TLE3: variants seen among roughly 807,000 people sequenced by gnomAD.
TLE3 encodes the protein TLE family member 3, transcriptional corepressor, also known as transducin-like enhancer protein 3.
A neutral mutation model predicts 93.0 loss-of-function variants in TLE3; 14 were observed. The ratio of observed to expected loss-of-function variants is 0.15; its 90% confidence interval spans 0.10 to 0.24. The LOEUF is 0.24. Ranked by LOEUF, TLE3 falls within the 10% of genes least tolerant of loss-of-function variation. The pLI is 1.00. For synonymous variants in TLE3, 451 were observed against 425.0 expected (o/e 1.06, Z -0.75); for missense variants, 693 against 1,046.6 (o/e 0.66, Z 4.66).
At chr15:70,052,785 A>G (rs1471297422) in intron 17 of TLE3, 2 of 345,044 alleles carry the variant, frequency 5.8e-6, no homozygotes, top group Non-Finnish European at 1.0e-5. Context: ...AAACTAAAAT[A>G]TTAAAAATTT....
In TLE3 at chr15:70,097,671, C is replaced by T. The variant is rs2058624802; in HGVS notation, c.-873G>A. 3 of 397,982 alleles carry T rather than the reference C, an allele frequency of 7.5e-6. No homozygotes were observed. The highest frequency in any genetic ancestry group is 3.6e-5 in the East Asian group (1 of 28,024). The allele number at this position is 397,982 out of a possible 1,614,324, so 24.7% of individuals were successfully genotyped here. On this transcript the variant is annotated 5_prime_UTR_variant, in exon 1 of 20. Coordinates refer to ENST00000451782, the MANE Select transcript of TLE3 (RefSeq NM_001105192.3). The stretch of plus-strand genomic sequence containing the variant: ...GTCGGAGCGCACAGGCAGGAGAGCG[C>T]TGGAGGGGAGACGCAGCCCGAGACC...
At chr15:70,074,749 G>C (rs187144330) in intron 5 of TLE3, 142 bp from the exon 6 acceptor site, 11 of 553,196 alleles carry the variant, frequency 2.0e-5, no homozygotes, top group East Asian at 9.9e-5. Flanking sequence ...GCACAAGTAG[G>C]GGGGAGGGTG....
Position 70,094,555 on chromosome 15 carries a change from A to G in TLE3, c.211T>C (p.Leu71=). The G allele has an allele frequency of 6.4e-7, 1 of 1,559,118 alleles. No individual in the cohort carries two copies. The change falls in exon 4 of 20, where the codon TTG becomes CTG. Residue 71 remains leucine, a synonymous_variant. Coordinates refer to ENST00000451782, the MANE Select transcript of TLE3 (RefSeq NM_001105192.3). ...ACCTGCTTGTGCATTTCAATGTTCA[A>G]GCCATAGGACATCTCATAGTACTAA... ...YVMYYEMSYG[L]NIEMHKQTEI... is the part of the protein sequence containing the mutation.
At chr15:70,087,833 T>C (rs1457064788) in intron 4 of TLE3, among the ~76,000 whole-genome samples, 1 of 152,204 alleles carries the variant, frequency 6.6e-6, no homozygotes, top group East Asian at 1.9e-4. Context: ...AAAGCAATAA[T>C]GAAGTCGGCT....
At chr15:70,064,397 T>A in intron 8 of TLE3, 57 bp downstream of exon 8, 1 of 1,607,646 alleles carries the variant, frequency 6.2e-7, no homozygotes, top group Admixed American at 1.7e-5. Flanking sequence ...GAGCCCCGAG[T>A]CCCACCTCCT....
In TLE3 at chr15:70,054,820, G is replaced by C. The variant is rs1189131173; in HGVS notation, c.1579-135C>G. 3 of 1,313,150 alleles carry C rather than the reference G, an allele frequency of 2.3e-6. No individual in the cohort carries two copies. In the Admixed American group the frequency reaches 8.5e-5, roughly 37 times the overall value. The allele number at this position is 1,313,150 out of a possible 1,614,324, so 81.3% of individuals were successfully genotyped here. ...CCCTATACCCAGCAGCTGCCAGGCT[G>C]TCCCCATTCCTCAAATTCACAACCC... On this transcript the variant is annotated intron_variant, in intron 15 of 19. Coordinates refer to ENST00000451782, the MANE Select transcript of TLE3 (RefSeq NM_001105192.3).
Position 70,059,516 on chromosome 15 carries a change from T to C in TLE3, c.715-56A>G. On this transcript the variant is annotated intron_variant, in intron 9 of 19. Transcript: ENST00000451782. ...TAAGAGGCCACACTTTCCCCACCCC[T>C]GACTGAGCCCAAACCACCCTGTCCT... The C allele has an allele frequency of 2.6e-6, 4 of 1,548,848 alleles. 1 individual carries two copies. Among genetic ancestry groups the C allele is most frequent in the Admixed American group, 3.8e-5 (2 of 52,268 alleles).
intron 4 of TLE3, among the ~76,000 whole-genome samples, chr15:70,077,440 A>C (rs1300664331): frequency 6.6e-6 from 1 of 152,248 alleles, no homozygotes; most frequent in Non-Finnish European, 1.5e-5. Context: ...TCTGCATGTC[A>C]AATGATTCTG....
intron 8 of TLE3, among the ~76,000 whole-genome samples, chr15:70,061,633 A>C (rs2056480543): frequency 6.6e-6 from 1 of 152,146 alleles, no homozygotes; most frequent in Non-Finnish European, 1.5e-5. Flanking sequence ...GTGCCCAGAG[A>C]CTAATATCAG....
intron 10 of TLE3, 85 bp downstream of exon 10, chr15:70,059,325 C>G: frequency 6.7e-7 from 1 of 1,485,550 alleles, no homozygotes; most frequent in South Asian, 1.3e-5. Flanking sequence ...AATACTAGAA[C>G]AGACAGAATA....
chr15:70,095,273 G>A (rs1192284852), intron 3 of TLE3: 6 of 1,292,106 alleles, frequency 4.6e-6, no homozygotes, highest in Non-Finnish European at 5.9e-6. Context: ...CCAAGATAGG[G>A]CAATGGCAAT....
intron 6 of TLE3, among the ~76,000 whole-genome samples, chr15:70,073,183 C>T (rs1197353802): frequency 1.3e-5 from 2 of 152,166 alleles, no homozygotes; most frequent in Non-Finnish European, 2.9e-5. Flanking sequence ...TTCTGTGATT[C>T]CAGCCTCCCA....
intron 3 of TLE3, among the ~76,000 whole-genome samples, chr15:70,095,192 C>T (rs986422891): frequency 4.0e-4 from 61 of 152,316 alleles, no homozygotes; most frequent in African/African-American, 1.4e-3. Context: ...CCAAACACTC[C>T]CAGGAGGTCA....
chr15:70,051,203 G>T (rs2055504024), intron 19 of TLE3, 188 bp downstream of exon 19: 1 of 519,448 alleles, frequency 1.9e-6, no homozygotes. Context: ...TCCTGCTGAA[G>T]TCCCCAGGTC....
chr15:70,096,694 G>A (rs759546487), intron 1 of TLE3, 81 bp downstream of exon 1: 4 of 1,579,838 alleles, frequency 2.5e-6, no homozygotes, highest in East Asian at 2.3e-5. Context: ...GTAGCAACAA[G>A]CAAAATGGAG....
At chr15:70,095,307 C>T in intron 3 of TLE3, 1 of 1,356,768 alleles carries the variant, frequency 7.4e-7, no homozygotes, top group South Asian at 1.6e-5. Flanking sequence ...ACTTTCAAAA[C>T]ACAAATTAAA....
Position 70,060,560 on chromosome 15 carries a change from C to T in TLE3, c.684G>A (p.Lys228=). ...ADYSMEAKKR[K]AEEKDSLSRY... Reference sequence around the variant, plus strand: ...GGCTCAAGCTGTCCTTCTCCTCCGCCTTCCGCTTCTTGGCTTCCATGCTGT... The same window carrying T: ...GGCTCAAGCTGTCCTTCTCCTCCGCTTTCCGCTTCTTGGCTTCCATGCTGT... The change falls in exon 9 of 20, where the codon AAG becomes AAA. Residue 228 remains lysine, a synonymous_variant. Transcript: ENST00000451782. 6.2e-7 allele frequency: 1 copy of T among 1,614,008 alleles called. No homozygotes were observed. Among genetic ancestry groups the T allele is most frequent in the Non-Finnish European group, 8.5e-7 (1 of 1,179,886 alleles).
chr15:70,076,285 C>T, intron 4 of TLE3, 127 bp from the exon 5 acceptor site: 1 of 816,838 alleles, frequency 1.2e-6, no homozygotes, highest in Non-Finnish European at 2.0e-6. Context: ...ATCCTTTCTG[C>T]CCTCAGTCAG....
intron 4 of TLE3, among the ~76,000 whole-genome samples, chr15:70,090,850 T>TA (rs1279616606): frequency 6.6e-6 from 1 of 152,224 alleles, no homozygotes; most frequent in Non-Finnish European, 1.5e-5. Context: ...GGTTCAGTGA[T>TA]ATGATTATAC....
Sources: allele counts gnomAD v4.1 joint callset (sites outside exome capture counted in the v4.1 genomes callset), GRCh38; gene constraint gnomAD v4.1.1; transcripts MANE v1.5; gene names NCBI Gene and HGNC (gene_info 2026-07-23, HGNC 2026-07-21).